Variants in KCNIP4 observed in about 807,000 individuals in gnomAD.
KCNIP4 encodes potassium voltage-gated channel interacting protein 4, also known as Kv channel-interacting protein 4.
A neutral mutation model predicts 34.0 loss-of-function variants in KCNIP4; 12 were observed. The ratio of observed to expected loss-of-function variants is 0.35; its 90% CI spans 0.23 to 0.57. The LOEUF is 0.57. Ranked by LOEUF, KCNIP4 falls within the 20% of genes least tolerant of loss-of-function variation. The pLI is 0.83. For missense variants in KCNIP4, 238 were observed against 311.7 expected (o/e 0.76, Z 1.78); for synonymous variants, 124 against 102.2 (o/e 1.21, Z -1.29).
intron 1 of KCNIP4, among the ~76,000 whole-genome samples, chr4:21,628,214 C>CT (rs1745469082): frequency 6.6e-6 from 1 of 152,122 alleles, no homozygotes; most frequent in Non-Finnish European, 1.5e-5. Flanking sequence ...CAACCTGCTT[C>CT]TTTACCTCCT....
At chr4:21,077,156 A>C (rs1375152363) in intron 1 of KCNIP4, among the ~76,000 whole-genome samples, 2 of 151,876 alleles carry the variant, frequency 1.3e-5, no homozygotes, top group Non-Finnish European at 2.9e-5. Flanking sequence ...TAAATAAATA[A>C]AAATTAAAAT....
intron 3 of KCNIP4, among the ~76,000 whole-genome samples, chr4:20,796,802 AAC>A (rs1165451514): frequency 6.6e-6 from 1 of 152,206 alleles, no homozygotes; most frequent in Non-Finnish European, 1.5e-5. Context: ...GATGGAAAAA[AAC>A]AGATTCCATC....
chr4:20,803,848 C>T (rs1043774491), intron 3 of KCNIP4, among the ~76,000 whole-genome samples: 4 of 151,752 alleles, frequency 2.6e-5, no homozygotes, highest in African/African-American at 9.7e-5. Flanking sequence ...ATATGGAGGC[C>T]ATTTGATTTA....
intron 1 of KCNIP4, among the ~76,000 whole-genome samples, chr4:21,187,560 G>A (rs1755326622): frequency 6.6e-6 from 1 of 152,170 alleles, no homozygotes; most frequent in African/African-American, 2.4e-5. Context: ...GGAAATGCGT[G>A]AAAAGGTTAA....
chr4:21,097,490 A>T (rs1294773844), intron 1 of KCNIP4, among the ~76,000 whole-genome samples: 2 of 152,144 alleles, frequency 1.3e-5, no homozygotes, highest in African/African-American at 4.8e-5. Flanking sequence ...TCTGAACAGC[A>T]TGTGCTCATT....
intron 1 of KCNIP4, among the ~76,000 whole-genome samples, chr4:21,349,656 C>T (rs1042629254): frequency 6.6e-6 from 1 of 152,216 alleles, no homozygotes; most frequent in Middle Eastern, 3.4e-3. Context: ...AAGGAACATA[C>T]AGACTGCTAA....
intron 1 of KCNIP4, among the ~76,000 whole-genome samples, chr4:20,968,681 A>G (rs1366271849): frequency 1.3e-5 from 2 of 151,954 alleles, no homozygotes; most frequent in African/African-American, 4.8e-5. Context: ...ACAAGGGCAG[A>G]AAACCAAACA....
At chr4:21,429,683 A>G (rs1401461663) in intron 1 of KCNIP4, among the ~76,000 whole-genome samples, 2 of 152,186 alleles carry the variant, frequency 1.3e-5, no homozygotes, top group Non-Finnish European at 1.5e-5. Flanking sequence ...TGATGTGTGT[A>G]ATAGTGTCCC....
intron 1 of KCNIP4, among the ~76,000 whole-genome samples, chr4:21,180,978 T>A (rs1754796462): frequency 6.6e-6 from 1 of 152,126 alleles, no homozygotes; most frequent in Non-Finnish European, 1.5e-5. Context: ...AGGCAGAATA[T>A]GACTTCTCCC....
intron 3 of KCNIP4, among the ~76,000 whole-genome samples, chr4:20,767,528 G>A (rs879020012): frequency 1.3e-5 from 2 of 152,188 alleles, no homozygotes; most frequent in Admixed American, 1.3e-4. Flanking sequence ...TGCTTCAAGA[G>A]TTCTTATACT....
At chr4:21,487,975 G>A (rs1732067029) in intron 1 of KCNIP4, among the ~76,000 whole-genome samples, 1 of 151,916 alleles carries the variant, frequency 6.6e-6, no homozygotes, top group Admixed American at 6.6e-5. Context: ...AGGAGTCCTG[G>A]TTCCTTTTAT....
In KCNIP4 at chr4:21,903,997, C is replaced by T. The variant is rs76354639; in HGVS notation, c.61+44574G>A. On this transcript the variant is annotated intron_variant, in intron 1 of 8. Coordinates refer to ENST00000382152, the MANE Select transcript of KCNIP4 (RefSeq NM_025221.6). ...ATGGGACTTGCCTAGCAATTAACAA[C>T]GTAGATAATGGATTAACTTGATTTT... is the stretch of plus-strand genomic sequence containing the variant. 8.7e-3 allele frequency among the ~76,000 whole-genome samples: 1,330 copies of T among 152,174 alleles called. 15 individuals are homozygous for T. Among genetic ancestry groups the T allele is most frequent in the South Asian group, 0.034 (163 of 4,824 alleles).
chr4:21,350,522 G>A (rs1375383793), intron 1 of KCNIP4, among the ~76,000 whole-genome samples: 1 of 152,140 alleles, frequency 6.6e-6, no homozygotes, highest in Admixed American at 6.6e-5. Context: ...AGTATGAATG[G>A]TGAATGTAAT....
chr4:21,672,157 A>G (rs1406516988), intron 1 of KCNIP4, among the ~76,000 whole-genome samples: 1 of 152,216 alleles, frequency 6.6e-6, no homozygotes, highest in Non-Finnish European at 1.5e-5. Flanking sequence ...GGCGAGGAAT[A>G]GCATTAAAAG....
intron 1 of KCNIP4, among the ~76,000 whole-genome samples, chr4:21,799,574 C>T (rs1359700354): frequency 1.3e-5 from 2 of 152,084 alleles, no homozygotes; most frequent in African/African-American, 4.8e-5. Flanking sequence ...TTTCAAATTG[C>T]TTAGTTATGA....
At chr4:21,135,233 C>T (rs1008856154) in intron 1 of KCNIP4, among the ~76,000 whole-genome samples, 1 of 152,146 alleles carries the variant, frequency 6.6e-6, no homozygotes, top group Non-Finnish European at 1.5e-5. Flanking sequence ...TTAAGATGAG[C>T]AGAGGTGTAG....
chr4:20,995,701 A>T (rs1737487747), intron 1 of KCNIP4, among the ~76,000 whole-genome samples: 1 of 152,170 alleles, frequency 6.6e-6, no homozygotes, highest in African/African-American at 2.4e-5. Context: ...AGATCCTCAG[A>T]TTTCGATGCC....
intron 1 of KCNIP4, among the ~76,000 whole-genome samples, chr4:21,424,221 C>T (rs913034285): frequency 4.6e-5 from 7 of 151,948 alleles, no homozygotes; most frequent in East Asian, 1.9e-4. Context: ...CTAGAAAAGG[C>T]CTGGGGTCCA....
At chr4:21,603,049 G>GA (rs1743328911) in intron 1 of KCNIP4, among the ~76,000 whole-genome samples, 1 of 151,688 alleles carries the variant, frequency 6.6e-6, no homozygotes, top group Non-Finnish European at 1.5e-5. Flanking sequence ...TTGTTTTTTG[G>GA]AAAAAACAAC....
Sources: allele counts gnomAD v4.1 joint callset (sites outside exome capture counted in the v4.1 genomes callset), GRCh38; gene constraint gnomAD v4.1.1; transcripts MANE v1.5; gene names NCBI Gene and HGNC (gene_info 2026-07-23, HGNC 2026-07-21).